The following ARL3 variants were observed in gnomAD, a reference collection of about 807,000 sequenced individuals.
The protein encoded by ARL3 is ADP-ribosylation factor-like protein 3.
In ARL3, 9 loss-of-function variants were observed where a neutral mutation model predicts 26.0. The ratio of observed to expected loss-of-function variants is 0.35; its 90% CI spans 0.21 to 0.60. The LOEUF is 0.60. Ranked by LOEUF, ARL3 falls within the 20% of genes least tolerant of loss-of-function variation. The pLI is 0.78. For missense variants in ARL3, 158 were observed against 215.7 expected (o/e 0.73, Z 1.67); for synonymous variants, 71 against 78.4 (o/e 0.91, Z 0.50).
intron 3 of ARL3, among the ~76,000 whole-genome samples, chr10:102,691,345 T>C: frequency 6.9e-6 from 1 of 145,638 alleles, no homozygotes. Context: ...ATTGTTCAAT[T>C]CCCACCTATG....
rs1243316055 is a variant in ARL3, at chr10:102,678,073, C to T, written c.502-1132G>A. 4.6e-5 allele frequency among the ~76,000 whole-genome samples: 7 copies of T among 152,322 alleles called. No individual in the cohort carries two copies. The South Asian group carries it at 8.3e-4, about 18-fold the overall frequency. On this transcript the variant is annotated intron_variant, in intron 5 of 5. Transcript: ENST00000260746. Reference sequence around the variant, plus strand: ...GCATCCTCTCTCCTGGCTCATCTGACCGTCACCTGAATTTACAGTGATTAC... The same window carrying T: ...GCATCCTCTCTCCTGGCTCATCTGATCGTCACCTGAATTTACAGTGATTAC...
chr10:102,697,665 G>A lies in ARL3; in HGVS notation c.264+1708C>T, dbSNP rs2064256210. On this transcript the variant is annotated intron_variant, in intron 3 of 5. Coordinates refer to ENST00000260746, the MANE Select transcript of ARL3 (RefSeq NM_004311.4). ...CTTCAAATTAGACGAGGTCACCTAA[G>A]CAGTGACTCAGAGAAGAAAAACACA... 3.9e-5 allele frequency among the ~76,000 whole-genome samples: 6 copies of A among 152,244 alleles called. 1 individual carries two copies. The South Asian group carries it at 1.2e-3, about 32-fold the overall frequency.
intron 1 of ARL3, among the ~76,000 whole-genome samples, chr10:102,710,418 A>C (rs1014979864): frequency 3.3e-5 from 5 of 152,374 alleles, no homozygotes; most frequent in Non-Finnish European, 5.9e-5. Flanking sequence ...GAATAAGTCT[A>C]TTCTGTGCAT....
chr10:102,688,629 AG>A (rs2064200312), intron 4 of ARL3, among the ~76,000 whole-genome samples: 1 of 150,728 alleles, frequency 6.6e-6, no homozygotes, highest in Non-Finnish European at 1.5e-5. Flanking sequence ...CCTCCAGAGT[AG>A]CTGGGACTGT....
intron 1 of ARL3, among the ~76,000 whole-genome samples, chr10:102,711,772 A>G (rs953176733): frequency 9.2e-5 from 14 of 152,184 alleles, no homozygotes; most frequent in East Asian, 1.9e-4. Context: ...AAGAAAAAAA[A>G]AAGAAGAAAA....
At chr10:102,689,985 G>A (rs2064208327) in intron 3 of ARL3, 42 bp from the exon 4 acceptor site, 1 of 1,363,736 alleles carries the variant, frequency 7.3e-7, no homozygotes, top group Non-Finnish European at 1.0e-6. Flanking sequence ...GAGCAGAGAT[G>A]GAAAAGACAG....
chr10:102,688,654 A>G (rs2064200477), intron 4 of ARL3, among the ~76,000 whole-genome samples: 2 of 151,944 alleles, frequency 1.3e-5, no homozygotes, highest in Non-Finnish European at 1.5e-5. Flanking sequence ...GGCACGTGCC[A>G]CCACACCTGG....
chr10:102,696,498 T>TCA (rs2064248903), intron 3 of ARL3, among the ~76,000 whole-genome samples: 1 of 151,608 alleles, frequency 6.6e-6, no homozygotes. Flanking sequence ...ACTCCTGACC[T>TCA]TGTGATCCAC....
chr10:102,690,222 T>G (rs888198789), intron 3 of ARL3, among the ~76,000 whole-genome samples: 2 of 152,166 alleles, frequency 1.3e-5, no homozygotes, highest in African/African-American at 4.8e-5. Flanking sequence ...GCACTTGATG[T>G]TGTCACTAAA....
intron 5 of ARL3, among the ~76,000 whole-genome samples, chr10:102,681,880 GA>G (rs1375387063): frequency 6.6e-6 from 1 of 152,152 alleles, no homozygotes; most frequent in African/African-American, 2.4e-5. Context: ...CAAATGCCTG[GA>G]ACTGTAACAG....
intron 5 of ARL3, among the ~76,000 whole-genome samples, chr10:102,684,839 C>T (rs1430996385): frequency 1.3e-5 from 2 of 151,470 alleles, no homozygotes; most frequent in Non-Finnish European, 2.9e-5. Flanking sequence ...ACGGGGGTTT[C>T]ACCATGTTGG....
Position 102,705,388 on chromosome 10 carries a change from C to T in ARL3, c.105G>A (p.Lys35=), listed in dbSNP as rs1243248792. The T allele has an allele frequency of 1.2e-6, 2 of 1,611,520 alleles. No individual in the cohort carries two copies. Among genetic ancestry groups the T allele is most frequent in the South Asian group, 2.2e-5 (2 of 90,910 alleles). ...LDNAGKTTLL[K]QLASEDISHI... Reference sequence around the variant, plus strand: ...GGCTGATGTCTTCAGATGCAAGCTGCTTCAGAAGAGTGGTCTTGCCAGCAT... The same window carrying T: ...GGCTGATGTCTTCAGATGCAAGCTGTTTCAGAAGAGTGGTCTTGCCAGCAT... The change falls in exon 2 of 6, where the codon AAG becomes AAA. Residue 35 remains lysine (K), a synonymous_variant. Transcript: ENST00000260746.
chr10:102,684,789 C>A (rs2064173976), intron 5 of ARL3, among the ~76,000 whole-genome samples: 1 of 152,034 alleles, frequency 6.6e-6, no homozygotes, highest in South Asian at 2.1e-4. Context: ...CAGGTGTGCA[C>A]CACCATGTCC....
intron 2 of ARL3, among the ~76,000 whole-genome samples, chr10:102,701,615 T>C (rs945561593): frequency 1.3e-5 from 2 of 152,176 alleles, no homozygotes; most frequent in African/African-American, 2.4e-5. Context: ...CACTCAACAA[T>C]GATATTAAAT....
chr10:102,707,982 C>T (rs535473580), intron 1 of ARL3, among the ~76,000 whole-genome samples: 52 of 152,100 alleles, frequency 3.4e-4, no homozygotes, highest in African/African-American at 1.1e-3. Flanking sequence ...GGCGTGAACA[C>T]GGCTAACTGC....
At chr10:102,705,905 C>T (rs2064308521) in intron 1 of ARL3, among the ~76,000 whole-genome samples, 1 of 152,000 alleles carries the variant, frequency 6.6e-6, no homozygotes, top group Non-Finnish European at 1.5e-5. Flanking sequence ...TCCCATAATG[C>T]CTGGCACTTA....
Position 102,705,360 on chromosome 10 carries a change from T to A in ARL3, c.133A>T (p.Ile45Phe). The change falls in exon 2 of 6, where the codon ATC becomes TTC. Residue 45 changes from isoleucine (I) to phenylalanine (F), a missense_variant. Physicochemically the swap from Ile to Phe is conservative, Grantham distance 21. Coordinates refer to ENST00000260746, the MANE Select transcript of ARL3 (RefSeq NM_004311.4). Reference sequence around the variant, plus strand: ...GCAGTGCTCACCTGTGTAGGTGTGATGTGGCTGATGTCTTCAGATGCAAGC... The same window carrying A: ...GCAGTGCTCACCTGTGTAGGTGTGAAGTGGCTGATGTCTTCAGATGCAAGC... Reference protein sequence around the residue: ...KQLASEDISHITPTQGFNIKS... With the variant: ...KQLASEDISHFTPTQGFNIKS... 6.2e-7 allele frequency: 1 copy of A among 1,607,326 alleles called. No individual in the cohort carries two copies. The highest frequency in any genetic ancestry group is 8.5e-7 in the Non-Finnish European group (1 of 1,175,610).
chr10:102,697,332 C>T (rs2064253776), intron 3 of ARL3, among the ~76,000 whole-genome samples: 2 of 152,140 alleles, frequency 1.3e-5, no homozygotes, highest in Admixed American at 1.3e-4. Flanking sequence ...GCATCCACCA[C>T]CATGCCCAGC....
intron 2 of ARL3, among the ~76,000 whole-genome samples, chr10:102,703,027 G>C (rs1444841501): frequency 6.6e-6 from 1 of 151,422 alleles, no homozygotes; most frequent in Non-Finnish European, 1.5e-5. Context: ...AGCTCTCCCT[G>C]TTGGCTTAGC....
Sources: allele counts gnomAD v4.1 joint callset (sites outside exome capture counted in the v4.1 genomes callset), GRCh38; gene constraint gnomAD v4.1.1; transcripts MANE v1.5; gene names NCBI Gene and HGNC (gene_info 2026-07-23, HGNC 2026-07-21).